The following DCC variants were observed in gnomAD, a reference collection of about 807,000 sequenced individuals.
DCC encodes the protein DCC netrin 1 receptor.
DCC carries 58 observed loss-of-function variants against 172.5 expected under a neutral mutation model. The observed-to-expected ratio is 0.34, with a 90% CI of 0.27 to 0.42. DCC has a LOEUF of 0.42. DCC is among the 10% of genes least tolerant of loss of function. The pLI, the probability that DCC is intolerant of heterozygous loss-of-function variation, is 1.00. For missense variants in DCC, 1,740 were observed against 1,791.0 expected (o/e 0.97, Z 0.51); for synonymous variants, 709 against 644.5 (o/e 1.10, Z -1.52).
intron 5 of DCC, among the ~76,000 whole-genome samples, chr18:53,037,016 G>A (rs1213613642): frequency 6.6e-6 from 1 of 151,930 alleles, no homozygotes; most frequent in African/African-American, 2.4e-5. Context: ...TTAAAACTCT[G>A]CAAACATAGA....
chr18:52,832,850 G>C (rs2038641293), intron 2 of DCC, among the ~76,000 whole-genome samples: 2 of 152,046 alleles, frequency 1.3e-5, no homozygotes, highest in Admixed American at 1.3e-4. Flanking sequence ...CATTACTAAT[G>C]TAGTAAGCAA....
At position 53,532,860 on chromosome 18, in the gene DCC, G is replaced by A. The variant is rs1003844583; in HGVS notation, c.*2207G>A. 1.3e-5 allele frequency: 2 copies of A among 148,904 alleles called. No individual in the cohort carries two copies. The highest frequency in any genetic ancestry group is 4.9e-5 in the African/African-American group (2 of 40,532). The allele number at this position is 148,904 out of a possible 1,614,324, so 9.2% of individuals were successfully genotyped here. On this transcript the variant is annotated 3_prime_UTR_variant, in exon 29 of 29. Transcript: ENST00000442544. ...AACCTATCATTTTCACAAATTTCTA[G>A]ATCCTTCTAGTCAAAAATAATTATT...
rs1173032541 is a variant in DCC, at chr18:53,134,467, G to A, written c.1262-22889G>A. Among the ~76,000 whole-genome samples, 3 of 152,182 alleles carry A rather than the reference G, an allele frequency of 2.0e-5. No individual in the cohort carries two copies. In the East Asian group the frequency reaches 5.8e-4, roughly 29 times the overall value. ...AATAACATACACTCCTCTCAAGAAT[G>A]CTGCATTACTAGAGCCTTACACTGT... On this transcript the variant is annotated intron_variant, in intron 7 of 28. Transcript: ENST00000442544.
At chr18:52,713,631 G>A (rs191643678) in intron 1 of DCC, among the ~76,000 whole-genome samples, 14 of 152,274 alleles carry the variant, frequency 9.2e-5, no homozygotes, top group African/African-American at 3.1e-4. Context: ...TGATTGAGAT[G>A]ATCATTTTTA....
intron 1 of DCC, among the ~76,000 whole-genome samples, chr18:52,464,291 G>A (rs1215846259): frequency 6.6e-6 from 1 of 152,094 alleles, no homozygotes; most frequent in Admixed American, 6.5e-5. Context: ...TTTATCAAAA[G>A]GCATGTAGCT....
chr18:52,570,989 G>A (rs2033279956), intron 1 of DCC, among the ~76,000 whole-genome samples: 2 of 152,076 alleles, frequency 1.3e-5, no homozygotes, highest in African/African-American at 2.4e-5. Context: ...TATAGGATAA[G>A]GAAATCTATA....
intron 7 of DCC, among the ~76,000 whole-genome samples, chr18:53,148,895 G>T (rs532453984): frequency 1.1e-5 from 1 of 91,216 alleles, no homozygotes; most frequent in Admixed American, 1.2e-4. Flanking sequence ...ACAAAGTCTC[G>T]CTCTGTTGCC....
Position 52,653,652 on chromosome 18 carries a change from T to C in DCC, c.92-98402T>C, listed in dbSNP as rs373070807. On this transcript the variant is annotated intron_variant, in intron 1 of 28. Transcript: ENST00000442544. Reference sequence around the variant, plus strand: ...AGTTTTAGCATGAGTAGGAGTTTTCTAGGTAGGAAAGAACATTCCAAACAA... The same window carrying C: ...AGTTTTAGCATGAGTAGGAGTTTTCCAGGTAGGAAAGAACATTCCAAACAA... Among the ~76,000 whole-genome samples the C allele has an allele frequency of 7.2e-5, 11 of 152,312 alleles. No homozygotes were observed. In the East Asian group the frequency reaches 1.9e-3, roughly 27 times the overall value.
At chr18:52,581,644 T>A (rs1336459665) in intron 1 of DCC, among the ~76,000 whole-genome samples, 1 of 152,176 alleles carries the variant, frequency 6.6e-6, no homozygotes, top group Non-Finnish European at 1.5e-5. Flanking sequence ...CTGTTTACCC[T>A]TCATGCTCTA....
At chr18:52,351,986 C>T (rs764288895) in intron 1 of DCC, among the ~76,000 whole-genome samples, 14 of 152,030 alleles carry the variant, frequency 9.2e-5, no homozygotes, top group African/African-American at 2.4e-4. Context: ...TCTTTGGTCT[C>T]GATAAGAGGG....
chr18:52,353,889 A>G (rs941622443), intron 1 of DCC, among the ~76,000 whole-genome samples: 2 of 152,192 alleles, frequency 1.3e-5, no homozygotes, highest in Non-Finnish European at 2.9e-5. Context: ...GTGAAAGGTT[A>G]TGTAAGGCTG....
chr18:52,984,577 T>C (rs1405098359), intron 5 of DCC, among the ~76,000 whole-genome samples: 1 of 152,136 alleles, frequency 6.6e-6, no homozygotes, highest in African/African-American at 2.4e-5. Context: ...TAAGTGTGTT[T>C]ATCCATTTAT....
chr18:53,402,952 C>A, intron 19 of DCC, 59 bp downstream of exon 19: 1 of 1,229,614 alleles, frequency 8.1e-7, no homozygotes, highest in Admixed American at 1.7e-5. Context: ...ATTGCTTACC[C>A]CCTACATGAG....
In DCC at chr18:53,287,010, T is replaced by C. The variant is rs553740803; in HGVS notation, c.1912-18568T>C. ...GTGAAATTTTCCAGTTTTAACATCTTCACATGTGGTATTTAATTTACACAC... is the reference window on the plus strand; with the variant it reads ...GTGAAATTTTCCAGTTTTAACATCTCCACATGTGGTATTTAATTTACACAC... On this transcript the variant is annotated intron_variant, in intron 12 of 28. Transcript: ENST00000442544. Among the ~76,000 whole-genome samples the C allele has an allele frequency of 9.9e-5, 15 of 152,230 alleles. No homozygotes were observed. In the South Asian group the frequency reaches 2.7e-3, roughly 27 times the overall value.
chr18:52,386,928 C>G (rs1263760474), intron 1 of DCC, among the ~76,000 whole-genome samples: 1 of 152,022 alleles, frequency 6.6e-6, no homozygotes, highest in Non-Finnish European at 1.5e-5. Flanking sequence ...GGGAGTAGCT[C>G]TGGTTTTTGA....
chr18:52,537,045 G>T (rs1445576665), intron 1 of DCC, among the ~76,000 whole-genome samples: 1 of 152,150 alleles, frequency 6.6e-6, no homozygotes, highest in African/African-American at 2.4e-5. Flanking sequence ...TGTTAAAGTG[G>T]CAGGCTATTG....
intron 1 of DCC, among the ~76,000 whole-genome samples, chr18:52,373,905 T>TTTG (rs1985234548): frequency 6.7e-6 from 1 of 149,652 alleles, no homozygotes; most frequent in Admixed American, 6.6e-5. Flanking sequence ...TTTTTTTTTT[T>TTTG]TTTTTGAGAC....
intron 27 of DCC, among the ~76,000 whole-genome samples, chr18:53,513,011 A>T (rs4555218): frequency 0.063 from 9,651 of 152,224 alleles, 385 homozygotes; most frequent in Middle Eastern, 0.12. Flanking sequence ...CATAATTGTC[A>T]GATTCACCAA....
intron 22 of DCC, among the ~76,000 whole-genome samples, chr18:53,450,118 GGGATATAT>G (rs1339170731): frequency 1.8e-5 from 1 of 54,692 alleles, no homozygotes; most frequent in Non-Finnish European, 5.5e-5. Flanking sequence ...CCATCATAGG[GGGATATAT>G]ATATATATAT....
Sources: allele counts gnomAD v4.1 joint callset (sites outside exome capture counted in the v4.1 genomes callset), GRCh38; gene constraint gnomAD v4.1.1; transcripts MANE v1.5; gene names NCBI Gene and HGNC (gene_info 2026-07-23, HGNC 2026-07-21).